KLF12: variants seen among roughly 807,000 people sequenced by gnomAD.
KLF12 encodes the protein Krueppel-like factor 12.
Under a neutral mutation model 37.8 loss-of-function variants are expected in KLF12, and 9 were observed. The observed-to-expected ratio is 0.24, with a 90% CI of 0.14 to 0.42. KLF12 has a LOEUF of 0.42. Ranked by LOEUF, KLF12 falls within the 10% of genes least tolerant of loss-of-function variation. KLF12 has a pLI of 1.00. For synonymous variants in KLF12, 208 were observed against 202.1 expected (o/e 1.03, Z -0.25); for missense variants, 411 against 516.0 (o/e 0.80, Z 1.97).
chr13:73,858,341 A>T (rs2138779100), intron 3 of KLF12, among the ~76,000 whole-genome samples: 1 of 152,304 alleles, frequency 6.6e-6, no homozygotes, highest in African/African-American at 2.4e-5. Context: ...TGATTTTTCC[A>T]TAAAAATTAA....
At chr13:73,985,247 C>G (rs1274808442) in intron 2 of KLF12, among the ~76,000 whole-genome samples, 1 of 152,220 alleles carries the variant, frequency 6.6e-6, no homozygotes, top group Admixed American at 6.5e-5. Flanking sequence ...GTAGCCACTT[C>G]AAGAGCAAAA....
At chr13:74,153,095 A>G in the KLF12 span, among the ~76,000 whole-genome samples, 10 of 151,922 alleles carry the variant, frequency 6.6e-5, no homozygotes, top group African/African-American at 2.4e-4. Flanking sequence ...TAATTTTCAC[A>G]TAGTTAGAAA....
At chr13:73,921,492 A>G (rs759216923) in intron 3 of KLF12, among the ~76,000 whole-genome samples, 7 of 152,152 alleles carry the variant, frequency 4.6e-5, no homozygotes, top group Non-Finnish European at 8.8e-5. Context: ...TTATCTGTGT[A>G]TACTGGAAAG....
chr13:73,928,008 C>A (rs1457757483), intron 3 of KLF12, among the ~76,000 whole-genome samples: 1 of 152,036 alleles, frequency 6.6e-6, no homozygotes, highest in Non-Finnish European at 1.5e-5. Context: ...CAGGCACACA[C>A]CACCACACCC....
chr13:73,855,442 C>T (rs1230043480), intron 3 of KLF12, among the ~76,000 whole-genome samples: 1 of 152,152 alleles, frequency 6.6e-6, no homozygotes, highest in African/African-American at 2.4e-5. Context: ...GTGTGTGTGG[C>T]TGCATAGTAT....
the KLF12 span, among the ~76,000 whole-genome samples, chr13:74,151,517 G>A: frequency 6.6e-6 from 1 of 152,136 alleles, no homozygotes; most frequent in Non-Finnish European, 1.5e-5. Context: ...GCTGGGTGTG[G>A]TGGTGCACAC....
chr13:73,750,258 A>G (rs1878648762), intron 6 of KLF12, among the ~76,000 whole-genome samples: 1 of 152,214 alleles, frequency 6.6e-6, no homozygotes, highest in South Asian at 2.1e-4. Flanking sequence ...AAAGGGAACC[A>G]CCAAAGTCAG....
chr13:74,239,551 TCC>T, the KLF12 span, among the ~76,000 whole-genome samples: 1 of 116,566 alleles, frequency 8.6e-6, no homozygotes, highest in African/African-American at 3.7e-5. Flanking sequence ...TGTTAAAGTC[TCC>T]CATTATTAAT....
intron 5 of KLF12, 130 bp from the exon 6 acceptor site, chr13:73,765,130 C>G: frequency 1.7e-6 from 1 of 587,650 alleles, no homozygotes; most frequent in Non-Finnish European, 3.0e-6. Flanking sequence ...ACTTGAACCC[C>G]TCTTAGTAAA....
intron 3 of KLF12, among the ~76,000 whole-genome samples, chr13:73,868,252 C>A (rs1437858821): frequency 1.7e-5 from 2 of 114,504 alleles, no homozygotes; most frequent in East Asian, 3.0e-4. Context: ...GTGCAGGTTG[C>A]GGTGAGCCGA....
chr13:73,895,947 T>C (rs563900123), intron 3 of KLF12, among the ~76,000 whole-genome samples: 52 of 152,014 alleles, frequency 3.4e-4, no homozygotes, highest in Admixed American at 2.8e-3. Context: ...CAGCCTCCCT[T>C]GTAGCTGGGA....
chr13:73,735,917 G>T (rs1352717139), intron 6 of KLF12, among the ~76,000 whole-genome samples: 3 of 151,360 alleles, frequency 2.0e-5, no homozygotes, highest in Non-Finnish European at 4.4e-5. Context: ...CCAAGTACTT[G>T]TCTTTGCCCT....
At chr13:74,268,863 T>C in the KLF12 span, among the ~76,000 whole-genome samples, 3 of 152,192 alleles carry the variant, frequency 2.0e-5, no homozygotes, top group Admixed American at 2.0e-4. Flanking sequence ...TATTTGGTCT[T>C]TTTAGGTTCT....
At chr13:73,974,747 G>T (rs1182973730) in intron 2 of KLF12, among the ~76,000 whole-genome samples, 1 of 152,116 alleles carries the variant, frequency 6.6e-6, no homozygotes, top group Non-Finnish European at 1.5e-5. Flanking sequence ...AGGGAAAGAA[G>T]AATTTGTGAT....
chr13:73,982,370 C>T (rs1281871702), intron 2 of KLF12, among the ~76,000 whole-genome samples: 1 of 151,992 alleles, frequency 6.6e-6, no homozygotes, highest in African/African-American at 2.4e-5. Context: ...GTCCCATATG[C>T]ATTGAAAGGT....
intron 2 of KLF12, among the ~76,000 whole-genome samples, chr13:73,970,320 T>C (rs535300291): frequency 6.6e-6 from 1 of 152,214 alleles, no homozygotes; most frequent in East Asian, 1.9e-4. Flanking sequence ...GCAAGGCACT[T>C]TATAAATCAT....
chr13:74,121,336 T>C (rs1877622287), intron 1 of KLF12, among the ~76,000 whole-genome samples: 1 of 151,944 alleles, frequency 6.6e-6, no homozygotes, highest in Admixed American at 6.6e-5. Context: ...CACAAAGTAT[T>C]CCAAAAAATA....
chr13:73,902,348 A>G (rs1038667248), intron 3 of KLF12, among the ~76,000 whole-genome samples: 3 of 152,226 alleles, frequency 2.0e-5, no homozygotes, highest in East Asian at 1.9e-4. Flanking sequence ...TAATTCAAAA[A>G]TGCCAGACAT....
intron 3 of KLF12, among the ~76,000 whole-genome samples, chr13:73,916,208 TACACACACACAC>T (rs67011700): frequency 1.8e-5 from 2 of 109,968 alleles, no homozygotes; most frequent in African/African-American, 3.1e-5. Context: ...AGCTAATACT[TACACACACACAC>T]ACACACACAC....
Sources: gnomAD v4.1 joint callset for allele counts (sites outside exome capture counted in the v4.1 genomes callset) on GRCh38, gnomAD v4.1.1 for gene constraint, MANE v1.5 for transcripts, NCBI Gene and HGNC (gene_info 2026-07-23, HGNC 2026-07-21) for gene names.